The following EYS variants were observed in gnomAD, a reference collection of about 807,000 sequenced individuals.
The protein encoded by EYS is EGF-like photoreceptor maintenance factor.
Under a neutral mutation model 282.1 loss-of-function variants are expected in EYS, and 250 were observed. That is an observed-to-expected ratio of 0.89 (90% CI 0.80 to 0.98). The LOEUF is 0.98. Among genes scored for constraint, EYS ranks in the 50% least tolerant of loss-of-function variants. The pLI is 0.00. For synonymous variants in EYS, 1,355 were observed against 1,282.9 expected (o/e 1.06, Z -1.20); for missense variants, 4,016 against 3,709.0 (o/e 1.08, Z -2.15).
At chr6:65,317,837 T>G (rs377750791) in intron 11 of EYS, among the ~76,000 whole-genome samples, 2 of 29,002 alleles carry the variant, frequency 6.9e-5, no homozygotes, top group Non-Finnish European at 1.3e-4. Context: ...TTTCTTTCTT[T>G]CTTTCTTTCT....
intron 30 of EYS, among the ~76,000 whole-genome samples, chr6:64,268,813 C>T (rs1464939350): frequency 1.3e-5 from 2 of 152,066 alleles, no homozygotes; most frequent in Non-Finnish European, 2.9e-5. Flanking sequence ...TAGACAATCC[C>T]ACCTGAGGAG....
At chr6:65,094,317 G>GAAAAAAAAAAA (rs35028634) in intron 12 of EYS, among the ~76,000 whole-genome samples, 3 of 73,820 alleles carry the variant, frequency 4.1e-5, no homozygotes, top group Non-Finnish European at 7.9e-5. Context: ...ATATCTTAAC[G>GAAAAAAAAAAA]AAAAAAAAAA....
intron 31 of EYS, among the ~76,000 whole-genome samples, chr6:64,217,919 T>G (rs923124824): frequency 1.3e-5 from 2 of 152,122 alleles, no homozygotes; most frequent in African/African-American, 4.8e-5. Context: ...CATTCAGAAA[T>G]AGTTGATAGT....
intron 6 of EYS, among the ~76,000 whole-genome samples, chr6:65,404,467 A>C (rs1264324302): frequency 6.6e-6 from 1 of 151,960 alleles, no homozygotes; most frequent in East Asian, 1.9e-4. Context: ...CTACAATAAT[A>C]GTTTCCTTGA....
chr6:63,931,854 T>C (rs1764903719), intron 35 of EYS, among the ~76,000 whole-genome samples: 1 of 152,236 alleles, frequency 6.6e-6, no homozygotes. Flanking sequence ...TACAGTGTTA[T>C]AGAATGCTAG....
chr6:64,507,083 CAT>C (rs1777234740), intron 26 of EYS, among the ~76,000 whole-genome samples: 1 of 149,188 alleles, frequency 6.7e-6, no homozygotes, highest in Non-Finnish European at 1.5e-5. Flanking sequence ...TTAAATTAAA[CAT>C]TTTTGTGGTA....
At chr6:64,535,007 C>A (rs551579604) in intron 26 of EYS, among the ~76,000 whole-genome samples, 1 of 152,184 alleles carries the variant, frequency 6.6e-6, no homozygotes, top group South Asian at 2.1e-4. Context: ...ACTAAACTTC[C>A]TCTTTGGTCT....
chr6:65,483,672 T>C (rs1419389534), intron 5 of EYS, among the ~76,000 whole-genome samples: 1 of 152,094 alleles, frequency 6.6e-6, no homozygotes, highest in Non-Finnish European at 1.5e-5. Flanking sequence ...AAAATATGTA[T>C]CAAATAAAGA....
chr6:63,820,482 G>T (rs935447808), intron 36 of EYS, among the ~76,000 whole-genome samples: 2 of 152,032 alleles, frequency 1.3e-5, no homozygotes, highest in African/African-American at 2.4e-5. Flanking sequence ...TTCTTTTACA[G>T]CTCCAGAATT....
chr6:63,815,062 G>A (rs1771144622), intron 36 of EYS, among the ~76,000 whole-genome samples: 1 of 152,088 alleles, frequency 6.6e-6, no homozygotes, highest in African/African-American at 2.4e-5. Flanking sequence ...AGGTTGGAGT[G>A]GGTTATCGCT....
chr6:65,029,580 C>T (rs1772533634), intron 13 of EYS, among the ~76,000 whole-genome samples: 1 of 152,076 alleles, frequency 6.6e-6, no homozygotes, highest in African/African-American at 2.4e-5. Flanking sequence ...ACCTCTTCTG[C>T]CTCTGCCACC....
intron 33 of EYS, among the ~76,000 whole-genome samples, chr6:64,011,989 T>TTCCTCTTCTC (rs1216845277): frequency 6.7e-5 from 9 of 134,494 alleles, no homozygotes; most frequent in African/African-American, 2.6e-4. Context: ...TAATAAGTTT[T>TTCCTCTTCTC]TCCTCTCCTC....
At chr6:64,973,582 G>A (rs1562282387) in intron 14 of EYS, among the ~76,000 whole-genome samples, 2 of 151,906 alleles carry the variant, frequency 1.3e-5, no homozygotes, top group Non-Finnish European at 2.9e-5. Context: ...TTAAAGCACA[G>A]CATTGGGAAA....
chr6:65,632,371 T>C (rs1232153344), intron 2 of EYS, among the ~76,000 whole-genome samples: 2 of 152,142 alleles, frequency 1.3e-5, no homozygotes, highest in African/African-American at 2.4e-5. Context: ...TCAAAATCAA[T>C]GTCTAATAAA....
intron 31 of EYS, among the ~76,000 whole-genome samples, chr6:64,107,864 T>G (rs1365873879): frequency 6.6e-6 from 1 of 152,044 alleles, no homozygotes; most frequent in Admixed American, 6.6e-5. Context: ...GGATAGCCGG[T>G]GTCCTCAGAC....
chr6:63,911,972 T>G lies in EYS; in HGVS notation c.7056-47614A>C, dbSNP rs1182973200. ...AAAGGACAAGATAGATGTAAACTAG[T>G]AATCATAATAAGTGCAATCATTAAG... is the stretch of plus-strand genomic sequence containing the variant. On this transcript the variant is annotated intron_variant, in intron 35 of 42. Coordinates refer to ENST00000503581, the MANE Select transcript of EYS (RefSeq NM_001142800.2). 2.6e-5 allele frequency among the ~76,000 whole-genome samples: 4 copies of G among 152,328 alleles called. No individual in the cohort carries two copies. The East Asian group carries it at 7.7e-4, about 29-fold the overall frequency.
intron 13 of EYS, among the ~76,000 whole-genome samples, chr6:65,008,754 C>A (rs6455022): frequency 6.6e-6 from 1 of 151,992 alleles, no homozygotes; most frequent in Non-Finnish European, 1.5e-5. Context: ...CTGGGGCAAG[C>A]GCCAGCCCAT....
chr6:64,301,159 C>G (rs1769218862), intron 30 of EYS, among the ~76,000 whole-genome samples: 1 of 152,110 alleles, frequency 6.6e-6, no homozygotes, highest in Non-Finnish European at 1.5e-5. Flanking sequence ...GTCAGTAAGA[C>G]CTCAAAAGCT....
chr6:64,947,266 A>G (rs1769318440), intron 14 of EYS, among the ~76,000 whole-genome samples: 2 of 151,872 alleles, frequency 1.3e-5, no homozygotes, highest in Non-Finnish European at 2.9e-5. Flanking sequence ...TGGACAGCAA[A>G]TTTTTTTTAC....
Sources: gnomAD v4.1 joint callset for allele counts (sites outside exome capture counted in the v4.1 genomes callset) on GRCh38, gnomAD v4.1.1 for gene constraint, MANE v1.5 for transcripts, NCBI Gene and HGNC (gene_info 2026-07-23, HGNC 2026-07-21) for gene names.